The following COBL variants were observed in gnomAD, a reference collection of about 807,000 sequenced individuals.
The protein encoded by COBL is protein cordon-bleu.
A neutral mutation model predicts 98.8 loss-of-function variants in COBL; 51 were observed. The ratio of observed to expected loss-of-function variants is 0.52; its 90% CI spans 0.41 to 0.65. The LOEUF is 0.65. COBL is among the 30% of genes least tolerant of loss of function. COBL has a pLI of 0.00. For missense variants in COBL, 1,617 were observed against 1,617.5 expected, an observed-to-expected ratio of 1.00 and a Z score of 0.01; for synonymous variants, 634 against 651.7, an observed-to-expected ratio of 0.97 and a Z score of 0.41.
intron 1 of COBL, among the ~76,000 whole-genome samples, chr7:51,228,606 A>G (rs1027672800): frequency 6.6e-6 from 1 of 152,162 alleles, no homozygotes; most frequent in Non-Finnish European, 1.5e-5. Context: ...TCTAGATAGG[A>G]TTCTCTAAGA....
chr7:51,059,633 C>T lies in COBL; in HGVS notation c.1097-15941G>A, dbSNP rs533038450. On this transcript the variant is annotated intron_variant, in intron 7 of 12. Coordinates refer to ENST00000265136, the MANE Select transcript of COBL (RefSeq NM_015198.5). ...TGGGATTGTTTGTAGATCAAACAAG[C>T]CTGGTCAGGTAGGGGTGGGTGGGAG... Among the ~76,000 whole-genome samples the T allele has an allele frequency of 8.9e-5, 10 of 112,042 alleles. No homozygotes were observed. The East Asian group carries it at 2.8e-3, about 31-fold the overall frequency. The allele number at this position is 112,042 out of a possible 152,430, so 73.5% of individuals were successfully genotyped here.
At chr7:51,217,671 T>C (rs1051890852) in intron 2 of COBL, among the ~76,000 whole-genome samples, 10 of 152,178 alleles carry the variant, frequency 6.6e-5, no homozygotes, top group Non-Finnish European at 1.2e-4. Context: ...ACAAAATATG[T>C]ACCTAGGAAT....
intron 7 of COBL, chr7:51,083,318 C>G: frequency 1.1e-6 from 1 of 942,762 alleles, no homozygotes; most frequent in Non-Finnish European, 1.5e-6. Flanking sequence ...GGCACCAGAT[C>G]CAGCCACACT....
chr7:51,112,319 C>G (rs548380581), intron 6 of COBL, among the ~76,000 whole-genome samples: 1 of 151,952 alleles, frequency 6.6e-6, no homozygotes, highest in South Asian at 2.1e-4. Flanking sequence ...ATTTTTTGCC[C>G]TAAAGAAACA....
intron 2 of COBL, among the ~76,000 whole-genome samples, chr7:51,200,784 A>G (rs1791043883): frequency 6.6e-6 from 1 of 152,232 alleles, no homozygotes; most frequent in Admixed American, 6.5e-5. Context: ...ATTAATAATT[A>G]TTTGAAATTC....
At chr7:51,308,132 C>T (rs1292041241) in intron 1 of COBL, among the ~76,000 whole-genome samples, 1 of 152,234 alleles carries the variant, frequency 6.6e-6, no homozygotes, top group African/African-American at 2.4e-5. Flanking sequence ...TGCTGTCGAT[C>T]AGTCTCCCTC....
intron 5 of COBL, among the ~76,000 whole-genome samples, chr7:51,169,393 A>T (rs898283506): frequency 1.3e-5 from 2 of 152,242 alleles, no homozygotes; most frequent in Non-Finnish European, 2.9e-5. Context: ...ACATGTCGTC[A>T]GGACCTCCTG....
rs778503247 is a variant in COBL at position 51,025,103 on chromosome 7, C to T, written c.3768+6G>A. 1 of 1,611,862 alleles carries T rather than the reference C, an allele frequency of 6.2e-7. No individual in the cohort carries two copies. Among genetic ancestry groups the T allele is most frequent in the Non-Finnish European group, 8.5e-7 (1 of 1,179,874 alleles). ...CATTGAAATGCGCACACACAGTCGC[C>T]ATCACCTTTCTCAGTCTCGCAGCCC... is the stretch of plus-strand genomic sequence containing the variant. On this transcript the variant is annotated splice_donor_region_variant and intron_variant, in intron 12 of 12. Coordinates refer to ENST00000265136, the MANE Select transcript of COBL (RefSeq NM_015198.5).
chr7:51,270,848 A>C (rs892664568), intron 1 of COBL, among the ~76,000 whole-genome samples: 24 of 152,140 alleles, frequency 1.6e-4, no homozygotes, highest in Admixed American at 3.3e-4. Context: ...CCAAAAAAAA[A>C]CAAGAAATCA....
rs1787741332 is a variant in COBL, at chr7:51,027,979, G to A, written c.3117C>T (p.Gly1039=). Residue 1039 remains glycine, a synonymous_variant, in exon 10 of 13, where the codon GGC becomes GGT. Transcript: ENST00000265136. ...TQACSRELVN[G]SVRAPGHGEP... is the part of the protein sequence containing the mutation. Reference sequence around the variant, plus strand: ...CGCCGTGGCCTGGGGCGCGCACAGAGCCATTGACCAGCTCCCTGCTGCAGG... The same window carrying A: ...CGCCGTGGCCTGGGGCGCGCACAGAACCATTGACCAGCTCCCTGCTGCAGG... The A allele has an allele frequency of 6.2e-7, 1 of 1,605,574 alleles. No individual in the cohort carries two copies.
In COBL at chr7:51,136,312, T is replaced by A; in HGVS notation, c.803A>T (p.Asn268Ile). 6.2e-7 allele frequency: 1 copy of A among 1,612,002 alleles called. No homozygotes were observed. Among genetic ancestry groups the A allele is most frequent in the Non-Finnish European group, 8.5e-7 (1 of 1,179,430 alleles). ...AGAACGTGAGTGCATGGATGGGGAG[T>A]TGGGGGTCGTTAAACAGCCCTGTTG... ...SNSKGCLTTP[N>I]SPSMHSRSLT... Residue 268 changes from asparagine to isoleucine, a missense_variant, in exon 6 of 13, where the codon AAC becomes ATC. Physicochemically the swap from Asn to Ile is moderately radical, Grantham distance 149 (BLOSUM62 -3). This residue lies in a region of COBL where 1,304 missense variants were observed against 1,282.0 expected (regional missense o/e 1.02). Coordinates refer to ENST00000265136, the MANE Select transcript of COBL (RefSeq NM_015198.5).
intron 6 of COBL, among the ~76,000 whole-genome samples, chr7:51,122,351 G>C (rs1797815976): frequency 6.6e-6 from 1 of 152,176 alleles, no homozygotes; most frequent in African/African-American, 2.4e-5. Context: ...GGTGCCACAG[G>C]TTCCCAGGGA....
At chr7:51,304,275 C>G (rs1029719036) in intron 1 of COBL, among the ~76,000 whole-genome samples, 1 of 152,230 alleles carries the variant, frequency 6.6e-6, no homozygotes, top group Admixed American at 6.5e-5. Flanking sequence ...AGGTCACAGG[C>G]AGGTCCAGCC....
At chr7:51,239,422 CA>C (rs903282034) in intron 1 of COBL, among the ~76,000 whole-genome samples, 1 of 152,102 alleles carries the variant, frequency 6.6e-6, no homozygotes, top group Non-Finnish European at 1.5e-5. Flanking sequence ...CCCTGTATGT[CA>C]AAAAAGGGGG....
chr7:51,277,279 G>C (rs1799394293), intron 1 of COBL, among the ~76,000 whole-genome samples: 1 of 152,134 alleles, frequency 6.6e-6, no homozygotes, highest in African/African-American at 2.4e-5. Context: ...TGTGTGCCTT[G>C]CTCTAAGAGA....
intron 2 of COBL, among the ~76,000 whole-genome samples, chr7:51,203,951 G>C (rs11506068): frequency 6.6e-6 from 1 of 152,096 alleles, no homozygotes; most frequent in Admixed American, 6.5e-5. Flanking sequence ...TATCCCTGAC[G>C]AACATGGATG....
rs376995725 is a variant in COBL, at chr7:51,112,923, C to T, written c.957+23235G>A. 1.8e-3 allele frequency among the ~76,000 whole-genome samples: 276 copies of T among 152,254 alleles called. 1 individual carries two copies. The highest frequency in any genetic ancestry group is 5.8e-3 in the African/African-American group (243 of 41,546). ...ATCATCTTCTTCCCATATGTGGCAA[C>T]CACAAACAAAATATAAAAACTCCTA... On this transcript the variant is annotated intron_variant, in intron 6 of 12. Coordinates refer to ENST00000265136, the MANE Select transcript of COBL (RefSeq NM_015198.5).
Position 51,316,722 on chromosome 7 carries a change from T to A in COBL, c.-89A>T. 1 of 1,026,874 alleles carries A rather than the reference T, an allele frequency of 9.7e-7. No homozygotes were observed. The highest frequency in any genetic ancestry group is 1.2e-6 in the Non-Finnish European group (1 of 812,050). 63.6% of individuals were successfully genotyped at this position (1,026,874 alleles called of 1,614,324 possible). On this transcript the variant is annotated 5_prime_UTR_variant, in exon 1 of 13. Coordinates refer to ENST00000265136, the MANE Select transcript of COBL (RefSeq NM_015198.5). Reference sequence around the variant, plus strand: ...GCCACCGCTGCCGCCCTCATTCACTTTTTCCGCGCTGACCCATCGTCCTCC... The same window carrying A: ...GCCACCGCTGCCGCCCTCATTCACTATTTCCGCGCTGACCCATCGTCCTCC...
At chr7:51,123,480 A>G (rs969853880) in intron 6 of COBL, among the ~76,000 whole-genome samples, 3 of 152,150 alleles carry the variant, frequency 2.0e-5, no homozygotes, top group African/African-American at 7.2e-5. Flanking sequence ...AGGTGAACCA[A>G]TTCTTTCATT....
Sources: allele counts gnomAD v4.1 joint callset (sites outside exome capture counted in the v4.1 genomes callset), GRCh38; gene constraint gnomAD v4.1.1; regional missense constraint gnomAD v4.1.1; transcripts MANE v1.5; gene names NCBI Gene and HGNC (gene_info 2026-07-23, HGNC 2026-07-21).